LEKR1: variants seen among roughly 807,000 people sequenced by gnomAD.
LEKR1 encodes leucine, glutamate and lysine rich 1.
LEKR1 carries 59 observed loss-of-function variants against 72.4 expected under a neutral mutation model. That is an observed-to-expected ratio of 0.82 (90% CI 0.66 to 1.01). The LOEUF (loss-of-function observed/expected upper bound fraction) is 1.01. LEKR1 is among the 50% of genes least tolerant of loss of function. LEKR1 has a pLI of 0.00. For missense variants in LEKR1, 728 were observed against 759.2 expected (o/e 0.96, Z 0.48); for synonymous variants, 257 against 263.2 (o/e 0.98, Z 0.23).
chr3:156,937,884 A>G (rs1725862630), intron 5 of LEKR1, among the ~76,000 whole-genome samples: 2 of 152,324 alleles, frequency 1.3e-5, no homozygotes, highest in South Asian at 4.1e-4. Context: ...CCTCAACTAA[A>G]TTATGCTGAG....
chr3:156,996,110 C>T (rs1731539739), intron 9 of LEKR1, among the ~76,000 whole-genome samples: 1 of 151,248 alleles, frequency 6.6e-6, no homozygotes, highest in South Asian at 2.1e-4. Context: ...TACTATGTAC[C>T]CTGGGTACAT....
chr3:156,997,393 TTGGAGGTGTGA>T (rs1731665512), intron 9 of LEKR1, among the ~76,000 whole-genome samples: 1 of 152,174 alleles, frequency 6.6e-6, no homozygotes, highest in Non-Finnish European at 1.5e-5. Context: ...CCTTAAGCAG[TTGGAGGTGTGA>T]ACATCCCTCC....
chr3:156,981,794 G>T (rs6441106), intron 7 of LEKR1, among the ~76,000 whole-genome samples: 4 of 152,110 alleles, frequency 2.6e-5, no homozygotes, highest in Non-Finnish European at 4.4e-5. Flanking sequence ...AGTCAAAACA[G>T]TTCATTCAAA....
chr3:156,858,454 C>T (rs904698724), intron 3 of LEKR1, among the ~76,000 whole-genome samples: 5 of 152,066 alleles, frequency 3.3e-5, no homozygotes, highest in East Asian at 1.9e-4. Flanking sequence ...AGGCAGATCA[C>T]CTGAGGTCAG....
intron 3 of LEKR1, among the ~76,000 whole-genome samples, chr3:156,920,080 C>T (rs1051683096): frequency 3.6e-4 from 55 of 152,144 alleles, no homozygotes; most frequent in African/African-American, 1.3e-3. Flanking sequence ...ATGAGGCCCT[C>T]GCTTGATGCA....
intron 3 of LEKR1, among the ~76,000 whole-genome samples, chr3:156,863,852 A>G (rs1480778060): frequency 3.3e-5 from 5 of 151,966 alleles, no homozygotes. Flanking sequence ...AGGCACACCA[A>G]ATCTTGAGCC....
chr3:156,966,813 A>G (rs1275533707), intron 6 of LEKR1, among the ~76,000 whole-genome samples: 1 of 152,156 alleles, frequency 6.6e-6, no homozygotes, highest in Non-Finnish European at 1.5e-5. Flanking sequence ...GAGATCTGAG[A>G]ATGGACAGAC....
At chr3:156,841,915 G>A (rs1242260316) in intron 2 of LEKR1, among the ~76,000 whole-genome samples, 2 of 152,170 alleles carry the variant, frequency 1.3e-5, no homozygotes, top group Non-Finnish European at 2.9e-5. Flanking sequence ...CACACAGCCC[G>A]AGGTGAGTGG....
At chr3:156,871,695 C>T (rs1366720159) in intron 3 of LEKR1, among the ~76,000 whole-genome samples, 1 of 151,992 alleles carries the variant, frequency 6.6e-6, no homozygotes, top group Non-Finnish European at 1.5e-5. Flanking sequence ...ATTTGCATTT[C>T]TCTGATGGCC....
At chr3:157,026,191 C>T (rs1734175011) in intron 11 of LEKR1, among the ~76,000 whole-genome samples, 1 of 152,180 alleles carries the variant, frequency 6.6e-6, no homozygotes, top group African/African-American at 2.4e-5. Context: ...GGGTTCTCAC[C>T]TCTTGCTTCC....
At chr3:156,980,969 G>C (rs948995860) in intron 7 of LEKR1, among the ~76,000 whole-genome samples, 1 of 152,082 alleles carries the variant, frequency 6.6e-6, no homozygotes, top group African/African-American at 2.4e-5. Context: ...ATACAAAGAT[G>C]GTCCTATAAG....
chr3:157,007,235 CAA>C (rs1732525840), intron 9 of LEKR1, among the ~76,000 whole-genome samples: 1 of 151,938 alleles, frequency 6.6e-6, no homozygotes, highest in African/African-American at 2.4e-5. Flanking sequence ...AATAAACAAA[CAA>C]AGAGGCAACC....
chr3:156,987,022 C>CTATTGTATTGTATTGTATTG (rs67063525), intron 7 of LEKR1, among the ~76,000 whole-genome samples: 222 of 124,428 alleles, frequency 1.8e-3, no homozygotes, highest in Admixed American at 2.6e-3. Flanking sequence ...AAATAGCTAG[C>CTATTGTATTGTATTGTATTG]TATTGTATTG....
intron 3 of LEKR1, among the ~76,000 whole-genome samples, chr3:156,869,234 T>A (rs754307314): frequency 2.6e-5 from 4 of 152,084 alleles, no homozygotes; most frequent in Non-Finnish European, 5.9e-5. Context: ...ATTGCTAGAT[T>A]GTATGGCAGT....
intron 9 of LEKR1, among the ~76,000 whole-genome samples, chr3:157,009,366 C>T (rs1345580352): frequency 6.6e-6 from 1 of 152,012 alleles, no homozygotes; most frequent in African/African-American, 2.4e-5. Context: ...TTGAACTGGC[C>T]ACATTTTAAC....
At chr3:157,009,558 A>G (rs905814227) in intron 9 of LEKR1, among the ~76,000 whole-genome samples, 12 of 152,242 alleles carry the variant, frequency 7.9e-5, no homozygotes, top group African/African-American at 2.6e-4. Context: ...GTGAACCTAA[A>G]TCTATCTTAT....
At chr3:157,005,940 T>G (rs920777989) in intron 9 of LEKR1, among the ~76,000 whole-genome samples, 4 of 151,162 alleles carry the variant, frequency 2.6e-5, no homozygotes, top group African/African-American at 9.7e-5. Flanking sequence ...AAAGTGATGC[T>G]CAATATCATT....
In LEKR1 at chr3:157,045,236, C is replaced by T. The variant is rs1038505277; in HGVS notation, c.1669-104C>T. 28 of 880,860 alleles carry T rather than the reference C, an allele frequency of 3.2e-5. No homozygotes were observed. The African/African-American group carries it at 3.3e-4, about 11-fold the overall frequency. 54.6% of individuals were successfully genotyped at this position (880,860 alleles called of 1,614,324 possible). On this transcript the variant is annotated intron_variant, in intron 12 of 12. Transcript: ENST00000356539. The stretch of plus-strand genomic sequence containing the variant: ...GTGTCATAGAGACAAAGAATACAGA[C>T]CTCTGATTTCCAGTTCTGTTCTCAA...
At chr3:156,891,745 A>G (rs1407232136) in intron 3 of LEKR1, among the ~76,000 whole-genome samples, 1 of 152,146 alleles carries the variant, frequency 6.6e-6, no homozygotes, top group African/African-American at 2.4e-5. Flanking sequence ...ATAGACTTCC[A>G]CCACCATTCC....
Sources: allele counts gnomAD v4.1 joint callset (sites outside exome capture counted in the v4.1 genomes callset), GRCh38; gene constraint gnomAD v4.1.1; transcripts MANE v1.5; gene names NCBI Gene and HGNC (gene_info 2026-07-23, HGNC 2026-07-21).